The following OSBPL10 variants were observed in gnomAD, a reference collection of about 807,000 sequenced individuals.
The protein encoded by OSBPL10 is oxysterol binding protein like 10.
A neutral mutation model predicts 81.7 loss-of-function variants in OSBPL10; 49 were observed. That is an observed-to-expected ratio of 0.60 (90% CI 0.48 to 0.76). The LOEUF is 0.76. OSBPL10 is among the 30% of genes least tolerant of loss of function. OSBPL10 has a pLI of 0.00. For synonymous variants in OSBPL10, 419 were observed against 383.6 expected, an observed-to-expected ratio of 1.09 and a Z score of -1.08; for missense variants, 923 against 987.8, an observed-to-expected ratio of 0.93 and a Z score of 0.88.
Position 31,909,668 on chromosome 3 carries a change from T to C in OSBPL10, c.282-29838A>G, listed in dbSNP as rs1696516833. On this transcript the variant is annotated intron_variant, in intron 1 of 11. Transcript: ENST00000396556. ...CCCAACGATTTCACTTCCCTCCATT[T>C]CAGATCAAGCGAGTGCACTGTGACT... Among the ~76,000 whole-genome samples, 3 of 152,118 alleles carry C rather than the reference T, an allele frequency of 2.0e-5. No homozygotes were observed. In the South Asian group the frequency reaches 6.2e-4, roughly 32 times the overall value.
intron 4 of OSBPL10, among the ~76,000 whole-genome samples, chr3:31,805,398 A>C (rs935961606): frequency 3.3e-5 from 5 of 152,138 alleles, no homozygotes; most frequent in Non-Finnish European, 7.4e-5. Context: ...CCAGAAGCTC[A>C]TGGGGCTTCA....
At chr3:31,844,435 T>C (rs1157325755) in intron 3 of OSBPL10, among the ~76,000 whole-genome samples, 2 of 152,180 alleles carry the variant, frequency 1.3e-5, no homozygotes, top group Non-Finnish European at 2.9e-5. Context: ...AATTGATAAA[T>C]GTGACAAATC....
At chr3:31,837,529 C>T (rs527613382) in intron 3 of OSBPL10, among the ~76,000 whole-genome samples, 1 of 150,788 alleles carries the variant, frequency 6.6e-6, no homozygotes, top group African/African-American at 2.4e-5. Flanking sequence ...TAAGTTTTAA[C>T]AAATTAGCTT....
intron 4 of OSBPL10, among the ~76,000 whole-genome samples, chr3:31,754,227 A>G (rs1697818219): frequency 6.6e-6 from 1 of 152,090 alleles, no homozygotes; most frequent in Non-Finnish European, 1.5e-5. Context: ...CATACCCACA[A>G]ACACAATCCT....
At chr3:31,880,848 A>G (rs762001911) in intron 1 of OSBPL10, among the ~76,000 whole-genome samples, 1 of 152,222 alleles carries the variant, frequency 6.6e-6, no homozygotes, top group Non-Finnish European at 1.5e-5. Flanking sequence ...CTTTGTTTCA[A>G]TATCCAAATG....
intron 1 of OSBPL10, among the ~76,000 whole-genome samples, chr3:32,054,092 T>C (rs1236703821): frequency 6.6e-6 from 1 of 152,230 alleles, no homozygotes; most frequent in African/African-American, 2.4e-5. Context: ...CCTCTATCAA[T>C]GAGCAAAGCT....
chr3:31,752,464 C>T (rs1049652151), intron 4 of OSBPL10, among the ~76,000 whole-genome samples: 4 of 152,210 alleles, frequency 2.6e-5, no homozygotes, highest in African/African-American at 9.6e-5. Context: ...AGAGATGAAA[C>T]GTAGGTCAAG....
chr3:31,820,378 T>C (rs1699952492), intron 4 of OSBPL10, among the ~76,000 whole-genome samples: 1 of 152,086 alleles, frequency 6.6e-6, no homozygotes, highest in Non-Finnish European at 1.5e-5. Context: ...GGGTGGCTCA[T>C]GAGGTCAGGA....
At chr3:31,909,879 T>C (rs1358342419) in intron 1 of OSBPL10, among the ~76,000 whole-genome samples, 1 of 151,954 alleles carries the variant, frequency 6.6e-6, no homozygotes, top group Non-Finnish European at 1.5e-5. Flanking sequence ...CACATACACA[T>C]TTAAGAAATT....
intron 1 of OSBPL10, among the ~76,000 whole-genome samples, chr3:31,965,400 A>T (rs1404636381): frequency 1.6e-5 from 2 of 121,652 alleles, no homozygotes; most frequent in Admixed American, 1.2e-4. Context: ...ATAATATATA[A>T]TATAAAATAT....
intron 7 of OSBPL10, among the ~76,000 whole-genome samples, chr3:31,688,684 G>A (rs1034022649): frequency 6.6e-5 from 10 of 152,148 alleles, no homozygotes; most frequent in African/African-American, 2.2e-4. Flanking sequence ...TAATTCTTCT[G>A]AGTATATCCA....
chr3:31,916,399 G>A (rs988882370), intron 1 of OSBPL10, among the ~76,000 whole-genome samples: 1 of 152,168 alleles, frequency 6.6e-6, no homozygotes, highest in African/African-American at 2.4e-5. Flanking sequence ...TGTAGAGTGA[G>A]TGGCCACCCC....
At chr3:31,989,402 A>G in intron 2 of OSBPL10, 2 of 1,614,220 alleles carry the variant, frequency 1.2e-6, no homozygotes, top group Non-Finnish European at 1.7e-6. Context: ...ATTGGGAAAG[A>G]TATTCATGAC....
chr3:31,719,091 GC>G lies in OSBPL10; in HGVS notation c.1095+14165del, dbSNP rs547368222. Among the ~76,000 whole-genome samples, 5 of 152,306 alleles carry G rather than the reference GC, an allele frequency of 3.3e-5. No individual in the cohort carries two copies. In the East Asian group the frequency reaches 9.6e-4, roughly 29 times the overall value. ...AGCCCACATGTAGAATCACCTGCTGGCTCATTCCAGTGGGTGTTCCTGGACA... is the reference window on the plus strand; with the variant it reads ...AGCCCACATGTAGAATCACCTGCTGGTCATTCCAGTGGGTGTTCCTGGACA... On this transcript the variant is annotated intron_variant, in intron 6 of 11. Coordinates refer to ENST00000396556, the MANE Select transcript of OSBPL10 (RefSeq NM_017784.5).
At chr3:31,837,318 AAATTAT>A (rs1559485920) in intron 3 of OSBPL10, among the ~76,000 whole-genome samples, 11 of 97,556 alleles carry the variant, frequency 1.1e-4, no homozygotes, top group South Asian at 3.7e-4. Flanking sequence ...ACAGATCCCC[AAATTAT>A]ATATATATAT....
intron 2 of OSBPL10, among the ~76,000 whole-genome samples, chr3:32,019,137 C>G (rs952266613): frequency 1.3e-5 from 2 of 152,160 alleles, no homozygotes; most frequent in Admixed American, 6.6e-5. Flanking sequence ...ACCCACCCCC[C>G]CAAATTCCCT....
intron 4 of OSBPL10, among the ~76,000 whole-genome samples, chr3:31,811,709 G>A (rs1018285656): frequency 6.6e-6 from 1 of 152,064 alleles, no homozygotes; most frequent in African/African-American, 2.4e-5. Flanking sequence ...TTAAAAAAAA[G>A]AATATGCATA....
chr3:31,771,805 C>T (rs1390710840), intron 4 of OSBPL10, among the ~76,000 whole-genome samples: 4 of 152,166 alleles, frequency 2.6e-5, no homozygotes, highest in Admixed American at 6.5e-5. Flanking sequence ...GTTGGTCTGA[C>T]GATATTTTCC....
intron 4 of OSBPL10, among the ~76,000 whole-genome samples, chr3:31,758,162 C>T (rs372085627): frequency 6.6e-6 from 1 of 152,298 alleles, no homozygotes; most frequent in East Asian, 1.9e-4. Context: ...AGGAAGATGA[C>T]ATTTATGCCT....
Sources: allele counts gnomAD v4.1 joint callset (sites outside exome capture counted in the v4.1 genomes callset), GRCh38; gene constraint gnomAD v4.1.1; transcripts MANE v1.5; gene names NCBI Gene and HGNC (gene_info 2026-07-23, HGNC 2026-07-21).